Variants in BROX observed in about 807,000 individuals in gnomAD.
BROX encodes BRO1 domain and CAAX motif containing.
Under a neutral mutation model 61.0 loss-of-function variants are expected in BROX, and 53 were observed. That is an observed-to-expected ratio of 0.87 (90% confidence interval 0.70 to 1.09). The LOEUF is 1.09. Ranked by LOEUF, BROX falls within the 50% of genes least tolerant of loss-of-function variation. The pLI, the probability that BROX is intolerant of heterozygous loss-of-function variation, is 0.00. For missense variants in BROX, 489 were observed against 472.0 expected (o/e 1.04, Z -0.33); for synonymous variants, 152 against 160.2 (o/e 0.95, Z 0.38).
At chr1:222,725,599 T>A (rs1657445968) in intron 7 of BROX, 44 bp downstream of exon 7, 1 of 1,440,882 alleles carries the variant, frequency 6.9e-7, no homozygotes, top group African/African-American at 1.4e-5. Flanking sequence ...AAGTCTATAT[T>A]GTCATTGAAT....
intron 11 of BROX, among the ~76,000 whole-genome samples, chr1:222,730,511 A>T (rs1002571570): frequency 6.6e-6 from 1 of 152,154 alleles, no homozygotes; most frequent in African/African-American, 2.4e-5. Context: ...TGGGAGAATC[A>T]TCTGAAGCTG....
chr1:222,718,877 T>G (rs1341861147), intron 2 of BROX, 48 bp from the exon 3 acceptor site: 1 of 1,458,120 alleles, frequency 6.9e-7, no homozygotes. Context: ...TTTATGTAGA[T>G]TGATTGCAGT....
At position 222,732,102 on chromosome 1, in the gene BROX, A is replaced by G. The variant is rs530222354; in HGVS notation, c.1150-526A>G. 2.6e-5 allele frequency among the ~76,000 whole-genome samples: 4 copies of G among 152,298 alleles called. No individual in the cohort carries two copies. The East Asian group carries it at 5.8e-4, about 22-fold the overall frequency. On this transcript the variant is annotated intron_variant, in intron 12 of 12. Transcript: ENST00000340934. ...TTATATAATTTCCTTTCCATATTAA[A>G]ATTTATTCCTTAAAATAACTATCTT...
intron 2 of BROX, among the ~76,000 whole-genome samples, chr1:222,716,220 T>C (rs1377296970): frequency 6.6e-6 from 1 of 152,182 alleles, no homozygotes; most frequent in East Asian, 1.9e-4. Flanking sequence ...TGCCTCAGCC[T>C]CCCGAGTAGC....
intron 2 of BROX, among the ~76,000 whole-genome samples, chr1:222,716,197 C>T (rs1376460674): frequency 1.3e-5 from 2 of 152,136 alleles, no homozygotes; most frequent in African/African-American, 4.8e-5. Flanking sequence ...CTCCTGGGTT[C>T]AAGCAATTCT....
At chr1:222,720,791 C>T (rs772149302) in intron 4 of BROX, among the ~76,000 whole-genome samples, 5 of 97,748 alleles carry the variant, frequency 5.1e-5, no homozygotes, top group Non-Finnish European at 8.7e-5. Flanking sequence ...CCAGCCTGGG[C>T]GACACACCGA....
In BROX at chr1:222,731,448, A is replaced by T. The variant is rs771468629; in HGVS notation, c.1081A>T (p.Thr361Ser). The change falls in exon 12 of 13, where the codon ACA (threonine) becomes TCA (serine). Residue 361 changes from threonine to serine, a missense_variant. Transcript: ENST00000340934. ...VEPIPFEFPPTSVQWTPETLA... is the reference protein window; with the variant it reads ...VEPIPFEFPPSSVQWTPETLA... ...GCCTATACCTTTCGAATTTCCTCCT[A>T]CAAGTGTTCAGTGGACACCAGAAAC... is the stretch of plus-strand genomic sequence containing the variant. 35 of 1,604,706 alleles carry T rather than the reference A, an allele frequency of 2.2e-5. No individual in the cohort carries two copies. Among genetic ancestry groups the T allele is most frequent in the Non-Finnish European group, 2.8e-5 (33 of 1,177,600 alleles).
rs1311995727 is a variant in BROX, at chr1:222,725,439, G to A, written c.475-11G>A. On this transcript the variant is annotated splice_polypyrimidine_tract_variant and intron_variant, in intron 6 of 12. Coordinates refer to ENST00000340934, the MANE Select transcript of BROX (RefSeq NM_144695.4). Reference sequence around the variant, plus strand: ...TGCTTTGTTTTTTGTCTTTTTTGTTGTTGTTCTCAGGAAAGTCATCTCCCA... The same window carrying A: ...TGCTTTGTTTTTTGTCTTTTTTGTTATTGTTCTCAGGAAAGTCATCTCCCA... 1 of 1,562,348 alleles carries A rather than the reference G, an allele frequency of 6.4e-7. No individual in the cohort carries two copies. The highest frequency in any genetic ancestry group is 8.7e-7 in the Non-Finnish European group (1 of 1,153,976).
chr1:222,727,056 A>T, intron 7 of BROX, 112 bp from the exon 8 acceptor site: 1 of 761,346 alleles, frequency 1.3e-6, no homozygotes, highest in Admixed American at 2.6e-5. Flanking sequence ...CGTTTAACAA[A>T]CTGTATTAAA....
chr1:222,727,165 C>A lies in BROX; in HGVS notation c.581-3C>A. ...AGATTCACTTTATTGTGTTTGGTTA[C>A]AGTAACAATTGCTCGAGCAATTGAA... On this transcript the variant is annotated splice_polypyrimidine_tract_variant and splice_region_variant and intron_variant, in intron 7 of 12. Coordinates refer to ENST00000340934, the MANE Select transcript of BROX (RefSeq NM_144695.4). 1.9e-6 allele frequency: 3 copies of A among 1,603,952 alleles called. No homozygotes were observed. Among genetic ancestry groups the A allele is most frequent in the Non-Finnish European group, 2.6e-6 (3 of 1,172,070 alleles).
intron 2 of BROX, among the ~76,000 whole-genome samples, chr1:222,716,697 C>T (rs988561154): frequency 3.3e-5 from 5 of 152,154 alleles, no homozygotes; most frequent in African/African-American, 1.2e-4. Flanking sequence ...TGAATAGTCC[C>T]GGTGGATACC....
At chr1:222,724,239 A>C (rs1657329086) in intron 6 of BROX, 75 bp downstream of exon 6, 1 of 1,195,404 alleles carries the variant, frequency 8.4e-7, no homozygotes, top group East Asian at 2.4e-5. Context: ...TTGGGAGGAT[A>C]TGGGGAAAGA....
rs950625193 is a variant in BROX, at chr1:222,727,348, G to T, written c.670+91G>T. On this transcript the variant is annotated intron_variant, in intron 8 of 12. Transcript: ENST00000340934. The stretch of plus-strand genomic sequence containing the variant: ...AGGGAACAAAACAAAAGGGTTCTCA[G>T]ATTCTGTCATTATTTGCAAAACTGG... The T allele has an allele frequency of 6.5e-6, 6 of 923,058 alleles. No individual in the cohort carries two copies. The African/African-American group carries it at 1.0e-4, about 16-fold the overall frequency. The allele number at this position is 923,058 out of a possible 1,614,324, so 57.2% of individuals were successfully genotyped here. A position where few individuals can be genotyped will look rare whatever the true frequency, so the allele number is the denominator to read the frequency against.
In BROX at chr1:222,733,851, A is replaced by T. The variant is rs890416138; in HGVS notation, c.*1137A>T. ...GTTTTTTGAAGTCAAATATTGCATG[A>T]TGTAAAGAAAAAACTTTAAACTTAA... On this transcript the variant is annotated 3_prime_UTR_variant, in exon 13 of 13. Transcript: ENST00000340934. 6.6e-6 allele frequency: 1 copy of T among 152,256 alleles called. No homozygotes were observed. Among genetic ancestry groups the T allele is most frequent in the Non-Finnish European group, 1.5e-5 (1 of 68,036 alleles). The allele number at this position is 152,256 out of a possible 1,614,324, so 9.4% of individuals were successfully genotyped here.
intron 2 of BROX, 71 bp downstream of exon 2, chr1:222,715,871 G>A: frequency 1.3e-6 from 1 of 741,654 alleles, no homozygotes; most frequent in Non-Finnish European, 2.3e-6. Context: ...ACAGAAATAT[G>A]TAACACACTG....
intron 7 of BROX, among the ~76,000 whole-genome samples, chr1:222,726,320 A>G (rs1030600635): frequency 2.0e-5 from 3 of 152,048 alleles, no homozygotes; most frequent in Admixed American, 1.3e-4. Context: ...AATCCCAGCA[A>G]TTTGGGAGGC....
intron 10 of BROX, 139 bp from the exon 11 acceptor site, chr1:222,729,888 T>C (rs1406865566): frequency 1.0e-6 from 1 of 1,004,144 alleles, no homozygotes; most frequent in African/African-American, 1.6e-5. Context: ...CACCTTCTAC[T>C]TACAGTATTA....
rs1394713270 is a variant in BROX, at chr1:222,733,436, A to G, written c.*722A>G. The G allele has an allele frequency of 1.3e-5, 2 of 152,058 alleles. No homozygotes were observed. The highest frequency in any genetic ancestry group is 1.9e-4 in the East Asian group (1 of 5,192). 9.4% of individuals were successfully genotyped at this position (152,058 alleles called of 1,614,324 possible). On this transcript the variant is annotated 3_prime_UTR_variant, in exon 13 of 13. Transcript: ENST00000340934. ...AGTTTATTTTCCTTCCTCTTATTTG[A>G]TATCAGAAGAATGACAGGAATCAGT...
chr1:222,715,928 C>A, intron 2 of BROX, 128 bp downstream of exon 2: 1 of 577,806 alleles, frequency 1.7e-6, no homozygotes, highest in South Asian at 2.7e-5. Context: ...AGAGTTAAAT[C>A]ATAGATTATT....
Sources: allele counts gnomAD v4.1 joint callset (sites outside exome capture counted in the v4.1 genomes callset), GRCh38; gene constraint gnomAD v4.1.1; transcripts MANE v1.5; gene names NCBI Gene and HGNC (gene_info 2026-07-23, HGNC 2026-07-21).